PCDHGB2: variants seen among roughly 807,000 people sequenced by gnomAD.
PCDHGB2 encodes protocadherin gamma subfamily B, 2, also known as protocadherin gamma-B2.
Under a neutral mutation model 59.3 loss-of-function variants are expected in PCDHGB2, and 55 were observed. The ratio of observed to expected loss-of-function variants is 0.93; its 90% CI spans 0.75 to 1.16. The LOEUF is 1.16. Ranked by LOEUF, PCDHGB2 falls within the 50% of genes most tolerant of loss-of-function variation. PCDHGB2 has a pLI of 0.00. For missense variants in PCDHGB2, 1,228 were observed against 1,198.5 expected (o/e 1.02, Z -0.36); for synonymous variants, 516 against 512.0 (o/e 1.01, Z -0.11).
intron 1 of PCDHGB2, chr5:141,415,478 G>C: frequency 6.2e-7 from 1 of 1,614,082 alleles, no homozygotes; most frequent in Non-Finnish European, 8.5e-7. Flanking sequence ...GCGGACTCGC[G>C]AAAGAGTCAC....
intron 3 of PCDHGB2, 44 bp downstream of exon 3, chr5:141,505,525 G>C: frequency 1.2e-6 from 2 of 1,612,490 alleles, no homozygotes; most frequent in Non-Finnish European, 1.7e-6. Flanking sequence ...GAGACCTGGG[G>C]TTCTGGGGTG....
intron 1 of PCDHGB2, chr5:141,376,224 T>A: frequency 6.2e-7 from 1 of 1,614,156 alleles, no homozygotes; most frequent in Admixed American, 1.7e-5. Flanking sequence ...CTGCTGGCGC[T>A]CAGACTGCAG....
At chr5:141,376,348 C>G in intron 1 of PCDHGB2, 6 of 1,614,184 alleles carry the variant, frequency 3.7e-6, no homozygotes, top group Non-Finnish European at 5.1e-6. Context: ...CCTATTCCCA[C>G]GAGGTCTCAC....
chr5:141,499,689 C>CTTTTT (rs545067566), intron 2 of PCDHGB2, among the ~76,000 whole-genome samples: 5 of 119,848 alleles, frequency 4.2e-5, no homozygotes, highest in Admixed American at 8.7e-5. Context: ...TAACAGATGA[C>CTTTTT]TTTTTTTTTT....
chr5:141,494,661 G>A, intron 1 of PCDHGB2, 146 bp from the exon 2 acceptor site: 2 of 1,492,976 alleles, frequency 1.3e-6, no homozygotes, highest in Non-Finnish European at 1.8e-6. Context: ...TTTGTCTTTG[G>A]AGATGAGTCC....
intron 1 of PCDHGB2, among the ~76,000 whole-genome samples, chr5:141,445,078 G>T (rs1591839605): frequency 6.6e-6 from 1 of 152,208 alleles, no homozygotes; most frequent in East Asian, 1.9e-4. Flanking sequence ...TCATTAAATT[G>T]TCCCTACATA....
intron 1 of PCDHGB2, chr5:141,409,395 C>T: frequency 6.2e-7 from 1 of 1,614,030 alleles, no homozygotes; most frequent in South Asian, 1.1e-5. Flanking sequence ...TATTCTTCTT[C>T]CAATAACTAC....
chr5:141,381,910 A>G (rs1007248325), intron 1 of PCDHGB2, among the ~76,000 whole-genome samples: 10 of 130,320 alleles, frequency 7.7e-5, no homozygotes, highest in Admixed American at 5.1e-4. Context: ...GCTCACCACA[A>G]CCTCCACCTC....
chr5:141,372,317 C>T (rs775859797), intron 1 of PCDHGB2: 3 of 1,613,614 alleles, frequency 1.9e-6, no homozygotes, highest in East Asian at 2.2e-5. Flanking sequence ...CCCGCCAGCG[C>T]CTGCTGGTCA....
At chr5:141,484,317 T>C (rs939085863) in intron 1 of PCDHGB2, among the ~76,000 whole-genome samples, 1 of 152,220 alleles carries the variant, frequency 6.6e-6, no homozygotes, top group Non-Finnish European at 1.5e-5. Context: ...CCCGCTTCCA[T>C]ACTGTCCTTG....
At chr5:141,466,556 T>C (rs1398776914) in intron 1 of PCDHGB2, among the ~76,000 whole-genome samples, 1 of 152,222 alleles carries the variant, frequency 6.6e-6, no homozygotes, top group Non-Finnish European at 1.5e-5. Context: ...TGCTGTGGGC[T>C]TCATCTTCAA....
At chr5:141,421,789 G>A (rs756677817) in intron 1 of PCDHGB2, 5 of 1,613,830 alleles carry the variant, frequency 3.1e-6, no homozygotes, top group East Asian at 2.2e-5. Context: ...GGGCAGAACG[G>A]ATGGGGCCAA....
intron 1 of PCDHGB2, chr5:141,371,441 G>C: frequency 1.2e-6 from 2 of 1,613,958 alleles, no homozygotes; most frequent in Non-Finnish European, 1.7e-6. Context: ...AGATAACCCT[G>C]GCTTCTGAAT....
chr5:141,360,998 T>C lies in PCDHGB2; in HGVS notation c.863T>C (p.Val288Ala). 6.2e-7 allele frequency: 1 copy of C among 1,613,390 alleles called. No homozygotes were observed. The highest frequency in any genetic ancestry group is 8.5e-7 in the Non-Finnish European group (1 of 1,179,606). Reference sequence around the variant, plus strand: ...TCCTTTCATAATGTGGACGAACAAGTGAAACACTTTTTCAACTTAAATGAA... The same window carrying C: ...TCCTTTCATAATGTGGACGAACAAGCGAAACACTTTTTCAACTTAAATGAA... ...TYSFHNVDEQ[V>A]KHFFNLNEKT... is the part of the protein sequence containing the mutation. The change falls in exon 1 of 4, where the codon GTG becomes GCG. Residue 288 changes from valine to alanine, a missense_variant. Val to Ala is a moderately conservative substitution (Grantham distance 64). Transcript: ENST00000522605.
chr5:141,393,263 A>C, intron 1 of PCDHGB2: 1 of 1,613,926 alleles, frequency 6.2e-7, no homozygotes, highest in Non-Finnish European at 8.5e-7. Flanking sequence ...TTCCTGGAGC[A>C]CGTTATCCAC....
Position 141,414,015 on chromosome 5 carries a change from A to T in PCDHGB2, c.2421+51459A>T. ...ACAGGGACGAAGGTGCCAATGGAGA[A>T]GTGACATATTCATTCCGAAAATTAC... On this transcript the variant is annotated intron_variant, in intron 1 of 3. Coordinates refer to ENST00000522605, the MANE Select transcript of PCDHGB2 (RefSeq NM_018923.3). 6.2e-7 allele frequency: 1 copy of T among 1,613,160 alleles called. No individual in the cohort carries two copies.
At chr5:141,507,931 G>A (rs1442781255) in intron 3 of PCDHGB2, 1 of 152,326 alleles carries the variant, frequency 6.6e-6, no homozygotes, top group African/African-American at 2.4e-5. Context: ...CTGCTGAGAG[G>A]GGTTAAGTAA....
At chr5:141,414,520 A>G in intron 1 of PCDHGB2, 1 of 1,613,990 alleles carries the variant, frequency 6.2e-7, no homozygotes, top group Non-Finnish European at 8.5e-7. Flanking sequence ...AGTGGCAGAT[A>G]TCAATGACAA....
chr5:141,394,505 C>A (rs1366555133), intron 1 of PCDHGB2: 4 of 1,614,218 alleles, frequency 2.5e-6, no homozygotes, highest in Non-Finnish European at 3.4e-6. Context: ...AGATCCTGTA[C>A]CCCGCCCTCC....
Sources: allele counts gnomAD v4.1 joint callset (sites outside exome capture counted in the v4.1 genomes callset), GRCh38; gene constraint gnomAD v4.1.1; transcripts MANE v1.5; gene names NCBI Gene and HGNC (gene_info 2026-07-23, HGNC 2026-07-21).